The following RBFOX1 variants were observed in gnomAD, a reference collection of about 807,000 sequenced individuals.
RBFOX1 encodes the protein RNA binding fox-1 homolog 1, also known as RNA binding protein fox-1 homolog 1.
RBFOX1 carries 8 observed loss-of-function variants against 57.7 expected under a neutral mutation model. The observed-to-expected ratio is 0.14, with a 90% CI of 0.08 to 0.25. The LOEUF (loss-of-function observed/expected upper bound fraction) is 0.25, where lower values mean the gene tolerates loss of function less well. RBFOX1 is among the 10% of genes least tolerant of loss of function. The probability of loss-of-function intolerance (pLI) is 1.00; values close to 1 mark genes in which losing one functional copy is unlikely to be tolerated. For missense variants in RBFOX1, 611 were observed against 548.5 expected, an observed-to-expected ratio of 1.11 and a Z score of -1.14; for synonymous variants, 326 against 222.4, an observed-to-expected ratio of 1.47 and a Z score of -4.15.
chr16:6,243,466 C>G (rs1472639650), intron 1 of RBFOX1, among the ~76,000 whole-genome samples: 1 of 152,048 alleles, frequency 6.6e-6, no homozygotes, highest in Admixed American at 6.6e-5. Flanking sequence ...ATGAGGAGAC[C>G]TGCTTTCCAG....
intron 4 of RBFOX1, among the ~76,000 whole-genome samples, chr16:7,244,698 A>G (rs1339174871): frequency 2.0e-5 from 3 of 152,184 alleles, no homozygotes; most frequent in African/African-American, 4.8e-5. Flanking sequence ...TCCAGTTTTC[A>G]CTGACTTTCT....
chr16:6,821,696 T>A (rs1431695065), intron 3 of RBFOX1, among the ~76,000 whole-genome samples: 1 of 152,236 alleles, frequency 6.6e-6, no homozygotes, highest in East Asian at 1.9e-4. Context: ...TTAATTCACA[T>A]GATAGCCTGT....
At chr16:7,055,113 G>A (rs572177759) in intron 4 of RBFOX1, among the ~76,000 whole-genome samples, 1 of 152,142 alleles carries the variant, frequency 6.6e-6, no homozygotes, top group African/African-American at 2.4e-5. Flanking sequence ...TTAATTTTAG[G>A]AAATACCATG....
chr16:6,697,728 G>T (rs572486522), intron 3 of RBFOX1, among the ~76,000 whole-genome samples: 2 of 152,272 alleles, frequency 1.3e-5, no homozygotes, highest in East Asian at 3.9e-4. Context: ...AAAGAAACAG[G>T]CTGTTGTCCA....
At chr16:7,169,394 G>A (rs59418164) in intron 4 of RBFOX1, among the ~76,000 whole-genome samples, 26,496 of 152,148 alleles carry the variant, frequency 0.17, 3,266 homozygotes, top group East Asian at 0.39. Flanking sequence ...CCAGGGGTTG[G>A]GGGATCCACT....
chr16:7,369,019 G>C (rs117325075), intron 4 of RBFOX1, among the ~76,000 whole-genome samples: 1 of 151,948 alleles, frequency 6.6e-6, no homozygotes, highest in South Asian at 2.1e-4. Flanking sequence ...CTCCTGGCTC[G>C]AACAGGATGA....
intron 1 of RBFOX1, among the ~76,000 whole-genome samples, chr16:5,343,481 A>AT (rs5815238): frequency 0.87 from 128,716 of 147,588 alleles, 56,616 homozygotes; most frequent in Non-Finnish European, 0.93. Flanking sequence ...CACCAGGCTA[A>AT]TTTTTTTTTT....
At chr16:6,130,115 C>T (rs2096619476) in intron 1 of RBFOX1, among the ~76,000 whole-genome samples, 1 of 152,032 alleles carries the variant, frequency 6.6e-6, no homozygotes, top group Admixed American at 6.6e-5. Flanking sequence ...ACACATAGGT[C>T]TACCATAGGT....
intron 3 of RBFOX1, among the ~76,000 whole-genome samples, chr16:6,810,122 C>A (rs1356805726): frequency 6.6e-6 from 1 of 151,338 alleles, no homozygotes. Context: ...TCAACATTTA[C>A]CAACAAATAT....
rs36117809 is a variant in RBFOX1 at position 6,981,042 on chromosome 16, C to CAAAAAAAAAAAAAAAAAAAAAAAAAAA, written c.-15-70998_-15-70997insAAAAAAAAAAAAAAAAAAAAAAAAAAA. 4.1e-4 allele frequency among the ~76,000 whole-genome samples: 32 copies of CAAAAAAAAAAAAAAAAAAAAAAAAAAA among 77,412 alleles called. 2 individuals are homozygous for CAAAAAAAAAAAAAAAAAAAAAAAAAAA. Among genetic ancestry groups the CAAAAAAAAAAAAAAAAAAAAAAAAAAA allele is most frequent in the African/African-American group, 2.1e-3 (27 of 12,666 alleles). The allele number at this position is 77,412 out of a possible 152,430, so 50.8% of individuals were successfully genotyped here. A position where few individuals can be genotyped will look rare whatever the true frequency, so the allele number is the denominator to read the frequency against. ...TGGGTGGCAGAGCAAGTCTCAGTCT[C>CAAAAAAAAAAAAAAAAAAAAAAAAAAA]AAAAAAAAAAAAAAAAACACTAAAA... On this transcript the variant is annotated intron_variant, in intron 3 of 15. Coordinates refer to ENST00000550418, the MANE Select transcript of RBFOX1 (RefSeq NM_018723.4).
intron 2 of RBFOX1, among the ~76,000 whole-genome samples, chr16:6,497,121 G>A (rs2095793383): frequency 6.6e-6 from 1 of 152,148 alleles, no homozygotes; most frequent in African/African-American, 2.4e-5. Flanking sequence ...TTTAGAGAAG[G>A]TAATTAACCA....
intron 4 of RBFOX1, among the ~76,000 whole-genome samples, chr16:7,198,996 A>G (rs2087547176): frequency 6.6e-6 from 1 of 152,200 alleles, no homozygotes; most frequent in Admixed American, 6.5e-5. Context: ...CTGGGAAAGT[A>G]GAAAAGGAGA....
At chr16:7,002,538 C>T (rs559114810) in intron 3 of RBFOX1, among the ~76,000 whole-genome samples, 1 of 152,074 alleles carries the variant, frequency 6.6e-6, no homozygotes, top group East Asian at 1.9e-4. Flanking sequence ...ATGGTGAAAC[C>T]CCGTCTCTAC....
At chr16:7,597,508 AC>A in intron 9 of RBFOX1, 77 bp downstream of exon 9, 1 of 1,328,064 alleles carries the variant, frequency 7.5e-7, no homozygotes, top group South Asian at 1.3e-5. Flanking sequence ...AGATTCTATT[AC>A]AACAAGCTGT....
At chr16:7,368,912 G>A (rs1302853654) in intron 4 of RBFOX1, among the ~76,000 whole-genome samples, 1 of 152,190 alleles carries the variant, frequency 6.6e-6, no homozygotes, top group East Asian at 1.9e-4. Flanking sequence ...AATGGCCTGG[G>A]AGGTTTCATT....
In RBFOX1 at chr16:5,290,991, C is replaced by T. The variant is rs12918061; in HGVS notation, c.219+50886C>T. Among the ~76,000 whole-genome samples, 409 of 152,276 alleles carry T rather than the reference C, an allele frequency of 2.7e-3. 2 individuals carry two copies. The highest frequency in any genetic ancestry group is 1.6e-3 in the African/African-American group (65 of 41,552). ...CTGGGATTACAGGCGTGAGCCACTG[C>T]GCTCAGCCAGATTTAAGGGACTTTC... is the stretch of plus-strand genomic sequence containing the variant. On this transcript the variant is annotated intron_variant, in intron 1 of 2. Transcript: ENST00000585867.
intron 1 of RBFOX1, among the ~76,000 whole-genome samples, chr16:6,132,504 G>A (rs1306723810): frequency 6.6e-6 from 1 of 152,188 alleles, no homozygotes; most frequent in Non-Finnish European, 1.5e-5. Flanking sequence ...GGAGTCACTT[G>A]TTAGTATGGT....
At chr16:6,193,375 T>TTATATATATATATATAC (rs2097155483) in intron 1 of RBFOX1, among the ~76,000 whole-genome samples, 4 of 64,866 alleles carry the variant, frequency 6.2e-5, no homozygotes, top group African/African-American at 1.8e-4. Context: ...TATATATATA[T>TTATATATATATATATAC]ACATTATATA....
At chr16:5,639,514 T>C (rs1160555345) in intron 3 of RBFOX1, among the ~76,000 whole-genome samples, 1 of 152,134 alleles carries the variant, frequency 6.6e-6, no homozygotes, top group South Asian at 2.1e-4. Flanking sequence ...ATAACACTAG[T>C]CAAATGGGAC....
Sources: allele counts gnomAD v4.1 joint callset (sites outside exome capture counted in the v4.1 genomes callset), GRCh38; gene constraint gnomAD v4.1.1; transcripts MANE v1.5; gene names NCBI Gene and HGNC (gene_info 2026-07-23, HGNC 2026-07-21).